CDH2: variants seen among roughly 807,000 people sequenced by gnomAD.
CDH2 encodes the protein cadherin 2, also known as cadherin-2.
CDH2 carries 17 observed loss-of-function variants against 92.0 expected under a neutral mutation model. The ratio of observed to expected loss-of-function variants is 0.18; its 90% CI spans 0.13 to 0.28. The LOEUF (loss-of-function observed/expected upper bound fraction) is 0.28. Among genes scored for constraint, CDH2 ranks in the 10% least tolerant of loss-of-function variants. The pLI, the probability that CDH2 is intolerant of heterozygous loss-of-function variation, is 1.00. For missense variants in CDH2, 862 were observed against 1,133.1 expected, an observed-to-expected ratio of 0.76 and a Z score of 3.44; for synonymous variants, 419 against 415.9, an observed-to-expected ratio of 1.01 and a Z score of -0.09.
chr18:28,113,567 AG>A (rs1157303161), intron 2 of CDH2, among the ~76,000 whole-genome samples: 1 of 152,154 alleles, frequency 6.6e-6, no homozygotes, highest in Non-Finnish European at 1.5e-5. Flanking sequence ...AAGGCGAGGT[AG>A]ATTTAGCATA....
At chr18:28,112,256 T>C (rs1003610887) in intron 2 of CDH2, among the ~76,000 whole-genome samples, 2 of 152,228 alleles carry the variant, frequency 1.3e-5, no homozygotes, top group Non-Finnish European at 2.9e-5. Flanking sequence ...TTTCATATTT[T>C]AGCTCCACGG....
chr18:28,036,980 TA>T (rs1254044665), intron 2 of CDH2, among the ~76,000 whole-genome samples: 1 of 152,146 alleles, frequency 6.6e-6, no homozygotes, highest in African/African-American at 2.4e-5. Context: ...ATCTGTTCAG[TA>T]AAAACATCTA....
chr18:28,094,249 G>A (rs2015085785), intron 2 of CDH2, among the ~76,000 whole-genome samples: 1 of 152,154 alleles, frequency 6.6e-6, no homozygotes, highest in Non-Finnish European at 1.5e-5. Flanking sequence ...AACTTTGGGA[G>A]GCTAAGGTGG....
intron 2 of CDH2, among the ~76,000 whole-genome samples, chr18:28,024,399 T>G (rs1484177777): frequency 6.6e-6 from 1 of 151,164 alleles, no homozygotes; most frequent in East Asian, 1.9e-4. Flanking sequence ...ATTGTAGGCA[T>G]GTACAAATCT....
intron 2 of CDH2, among the ~76,000 whole-genome samples, chr18:28,145,187 G>A (rs1397919719): frequency 6.6e-6 from 1 of 152,018 alleles, no homozygotes; most frequent in African/African-American, 2.4e-5. Flanking sequence ...ACATACTGGT[G>A]AGCCATTGTC....
chr18:28,037,925 T>A (rs1024374216), intron 2 of CDH2, among the ~76,000 whole-genome samples: 3 of 151,946 alleles, frequency 2.0e-5, no homozygotes, highest in Middle Eastern at 3.4e-3. Context: ...AAAAAGATGA[T>A]GAAGAAAGAA....
intron 2 of CDH2, among the ~76,000 whole-genome samples, chr18:28,127,715 C>T (rs2015701578): frequency 6.6e-6 from 1 of 152,084 alleles, no homozygotes; most frequent in South Asian, 2.1e-4. Context: ...GTAGGGGTGC[C>T]TACAAGTCCT....
At chr18:28,096,434 C>T (rs1356832627) in intron 2 of CDH2, among the ~76,000 whole-genome samples, 1 of 147,574 alleles carries the variant, frequency 6.8e-6, no homozygotes, top group African/African-American at 2.5e-5. Flanking sequence ...ACATAACACA[C>T]AATGATGAAG....
chr18:28,028,137 C>T (rs549408316), intron 2 of CDH2, among the ~76,000 whole-genome samples: 1 of 151,978 alleles, frequency 6.6e-6, no homozygotes, highest in Non-Finnish European at 1.5e-5. Context: ...TGCTAATTGG[C>T]ATTTTCAAAG....
At chr18:28,004,338 G>T (rs558318729) in intron 6 of CDH2, among the ~76,000 whole-genome samples, 1 of 152,220 alleles carries the variant, frequency 6.6e-6, no homozygotes, top group Non-Finnish European at 1.5e-5. Context: ...AGAATAAAAA[G>T]GTATCTTTCA....
chr18:27,982,738 T>C (rs564680450), intron 14 of CDH2, among the ~76,000 whole-genome samples: 1 of 152,196 alleles, frequency 6.6e-6, no homozygotes, highest in South Asian at 2.1e-4. Context: ...AGGTGTTTTT[T>C]TTTTTTTTAC....
In CDH2 at chr18:28,064,902, G is replaced by C. The variant is rs574243692; in HGVS notation, c.173-50993C>G. Among the ~76,000 whole-genome samples, 7 of 152,218 alleles carry C rather than the reference G, an allele frequency of 4.6e-5. No individual in the cohort carries two copies. In the East Asian group the frequency reaches 1.4e-3, roughly 30 times the overall value. On this transcript the variant is annotated intron_variant, in intron 2 of 15. Coordinates refer to ENST00000269141, the MANE Select transcript of CDH2 (RefSeq NM_001792.5). ...CAGCAAACCCCATTACTCAGGGCCTGAAAGTGAGGGTCCTGAACCTTGAAC... is the reference window on the plus strand; with the variant it reads ...CAGCAAACCCCATTACTCAGGGCCTCAAAGTGAGGGTCCTGAACCTTGAAC...
chr18:28,058,471 AT>A (rs2014339473), intron 2 of CDH2, among the ~76,000 whole-genome samples: 2 of 152,218 alleles, frequency 1.3e-5, no homozygotes, highest in South Asian at 4.1e-4. Context: ...CTGTATACCT[AT>A]TGAAGACTTT....
intron 2 of CDH2, among the ~76,000 whole-genome samples, chr18:28,036,939 C>T (rs1433136212): frequency 6.6e-6 from 1 of 152,102 alleles, no homozygotes; most frequent in East Asian, 1.9e-4. Context: ...GTGTTTTCAG[C>T]TAGTAACAAT....
At position 27,959,853 on chromosome 18, in the gene CDH2, G is replaced by A. The variant is rs145719263; in HGVS notation, c.2514+3504C>T. On this transcript the variant is annotated intron_variant, in intron 15 of 15. Transcript: ENST00000269141. The stretch of plus-strand genomic sequence containing the variant: ...ATTTCTCTATCTTGTAATTATATTC[G>A]AATTCATGGATTTAGGCCAGGTGTG... Among the ~76,000 whole-genome samples the A allele has an allele frequency of 4.6e-5, 7 of 151,872 alleles. No individual in the cohort carries two copies. In the East Asian group the frequency reaches 5.8e-4, roughly 13 times the overall value.
At position 28,150,812 on chromosome 18, in the gene CDH2, A is replaced by G. The variant is rs548008944; in HGVS notation, c.61-3028T>C. Among the ~76,000 whole-genome samples, 9 of 152,338 alleles carry G rather than the reference A, an allele frequency of 5.9e-5. No individual in the cohort carries two copies. In the South Asian group the frequency reaches 1.5e-3, roughly 25 times the overall value. On this transcript the variant is annotated intron_variant, in intron 1 of 15. Transcript: ENST00000269141. ...TTCCTTAAGACAAAACGGATCCACAAAATAATATAATCCTGGATCCAAAAT... is the reference window on the plus strand; with the variant it reads ...TTCCTTAAGACAAAACGGATCCACAGAATAATATAATCCTGGATCCAAAAT...
At chr18:27,956,920 ACT>A (rs372627813) in intron 15 of CDH2, among the ~76,000 whole-genome samples, 11 of 151,868 alleles carry the variant, frequency 7.2e-5, no homozygotes, top group South Asian at 2.1e-4. Flanking sequence ...ATACAGTAAA[ACT>A]CTTTAGAAAG....
chr18:28,092,025 T>C (rs1482911921), intron 2 of CDH2, among the ~76,000 whole-genome samples: 2 of 151,916 alleles, frequency 1.3e-5, no homozygotes, highest in East Asian at 1.9e-4. Context: ...TATGCCTGTG[T>C]CCTAAGAACA....
At chr18:28,150,883 T>G (rs2016110585) in intron 1 of CDH2, among the ~76,000 whole-genome samples, 1 of 152,172 alleles carries the variant, frequency 6.6e-6, no homozygotes, top group African/African-American at 2.4e-5. Flanking sequence ...CATAAAATTG[T>G]TAAAATATAT....
Sources: allele counts gnomAD v4.1 joint callset (sites outside exome capture counted in the v4.1 genomes callset), GRCh38; gene constraint gnomAD v4.1.1; transcripts MANE v1.5; gene names NCBI Gene and HGNC (gene_info 2026-07-23, HGNC 2026-07-21).